CDH12: variants seen among roughly 807,000 people sequenced by gnomAD.
CDH12 encodes cadherin-12.
Under a neutral mutation model 74.1 loss-of-function variants are expected in CDH12, and 41 were observed. The observed-to-expected ratio is 0.55, with a 90% confidence interval of 0.43 to 0.72. The LOEUF is 0.72. CDH12 is among the 30% of genes least tolerant of loss of function. CDH12 has a pLI of 0.00. For synonymous variants in CDH12, 399 were observed against 355.0 expected, an observed-to-expected ratio of 1.12 and a Z score of -1.39; for missense variants, 945 against 977.2, an observed-to-expected ratio of 0.97 and a Z score of 0.44.
chr5:22,170,375 T>C (rs926936106), intron 4 of CDH12, among the ~76,000 whole-genome samples: 2 of 151,876 alleles, frequency 1.3e-5, no homozygotes, highest in African/African-American at 4.8e-5. Flanking sequence ...CATACTAACA[T>C]TTCCTGAATA....
chr5:21,766,741 A>T (rs1194742616), intron 11 of CDH12, among the ~76,000 whole-genome samples: 1 of 151,976 alleles, frequency 6.6e-6, no homozygotes, highest in African/African-American at 2.4e-5. Context: ...AAGAAATTGG[A>T]AATTACAAAC....
chr5:22,629,532 T>G (rs555152959), intron 1 of CDH12, among the ~76,000 whole-genome samples: 1 of 152,056 alleles, frequency 6.6e-6, no homozygotes, highest in Non-Finnish European at 1.5e-5. Flanking sequence ...TCAATAGATA[T>G]AGAAAATGCT....
chr5:22,097,026 C>A (rs1235786421), intron 4 of CDH12, among the ~76,000 whole-genome samples: 1 of 152,130 alleles, frequency 6.6e-6, no homozygotes, highest in East Asian at 1.9e-4. Context: ...AGACAAACCC[C>A]AGCCACATCT....
At chr5:22,176,082 T>C (rs1264606441) in intron 4 of CDH12, among the ~76,000 whole-genome samples, 2 of 152,264 alleles carry the variant, frequency 1.3e-5, no homozygotes, top group African/African-American at 4.8e-5. Context: ...CTGGGCTCAT[T>C]TGACTCGTCC....
rs1003926674 is a variant in CDH12 at position 22,183,855 on chromosome 5, T to A, written c.-187+28643A>T. 3.0e-4 allele frequency among the ~76,000 whole-genome samples: 46 copies of A among 152,252 alleles called. 1 individual carries two copies. The highest frequency in any genetic ancestry group is 1.0e-3 in the African/African-American group (42 of 41,564). ...TAAACTGAAAGGATAAAGAAAGCAG[T>A]GATACAGTCAGAAATATCCCCCCAA... is the stretch of plus-strand genomic sequence containing the variant. On this transcript the variant is annotated intron_variant, in intron 4 of 14. Transcript: ENST00000382254.
intron 1 of CDH12, among the ~76,000 whole-genome samples, chr5:22,650,257 C>T (rs1255124074): frequency 6.6e-6 from 1 of 151,928 alleles, no homozygotes; most frequent in African/African-American, 2.4e-5. Flanking sequence ...ACACAGGAAA[C>T]TTCAGAGGGA....
intron 4 of CDH12, among the ~76,000 whole-genome samples, chr5:22,112,589 G>T (rs1182007988): frequency 2.6e-5 from 4 of 152,018 alleles, no homozygotes. Flanking sequence ...GTCTGTCATG[G>T]TCGTTTTTTT....
chr5:22,263,809 T>C (rs1753609230), intron 3 of CDH12, among the ~76,000 whole-genome samples: 1 of 152,052 alleles, frequency 6.6e-6, no homozygotes. Flanking sequence ...CTCTACTTTA[T>C]ACACAAGAGG....
At chr5:22,659,613 C>A (rs1439980219) in intron 1 of CDH12, among the ~76,000 whole-genome samples, 1 of 152,014 alleles carries the variant, frequency 6.6e-6, no homozygotes, top group Admixed American at 6.6e-5. Context: ...ACCACTTTAT[C>A]ACTTTGAGCA....
chr5:21,894,087 G>T (rs1295604404), intron 6 of CDH12, among the ~76,000 whole-genome samples: 2 of 152,132 alleles, frequency 1.3e-5, no homozygotes, highest in East Asian at 1.9e-4. Context: ...ATAAAGAAAA[G>T]ATAAATATTG....
intron 6 of CDH12, among the ~76,000 whole-genome samples, chr5:21,951,942 G>A (rs1211829603): frequency 6.6e-6 from 1 of 152,140 alleles, no homozygotes; most frequent in Admixed American, 6.5e-5. Context: ...GTTTATTCCT[G>A]TTAGAACTGA....
chr5:22,117,228 T>G (rs1745170719), intron 4 of CDH12, among the ~76,000 whole-genome samples: 1 of 150,504 alleles, frequency 6.6e-6, no homozygotes, highest in African/African-American at 2.4e-5. Context: ...TTGTATATAC[T>G]AAATTATTTC....
At chr5:22,571,540 T>C (rs1294507350) in intron 1 of CDH12, among the ~76,000 whole-genome samples, 1 of 152,218 alleles carries the variant, frequency 6.6e-6, no homozygotes, top group East Asian at 1.9e-4. Flanking sequence ...TTGGTCAGGC[T>C]GGTCTCGAAT....
chr5:22,552,091 C>A (rs577606059), intron 1 of CDH12, among the ~76,000 whole-genome samples: 1 of 152,174 alleles, frequency 6.6e-6, no homozygotes, highest in South Asian at 2.1e-4. Flanking sequence ...CTGGAAGATA[C>A]AGTGTCTTGT....
intron 1 of CDH12, among the ~76,000 whole-genome samples, chr5:22,654,128 TC>T (rs1408436709): frequency 6.7e-6 from 1 of 149,532 alleles, no homozygotes; most frequent in African/African-American, 2.5e-5. Flanking sequence ...CCGTTCCTTC[TC>T]CCTTCCCCTT....
chr5:22,112,974 G>T (rs1366172911), intron 4 of CDH12, among the ~76,000 whole-genome samples: 1 of 152,114 alleles, frequency 6.6e-6, no homozygotes, highest in East Asian at 1.9e-4. Context: ...ATCAAGCATG[G>T]TCGTAGTTAT....
chr5:22,159,062 G>T (rs1187577914), intron 4 of CDH12, among the ~76,000 whole-genome samples: 1 of 152,112 alleles, frequency 6.6e-6, no homozygotes, highest in Non-Finnish European at 1.5e-5. Context: ...AAGGTCCATA[G>T]TTTTAGCAGA....
chr5:22,191,283 C>T (rs62349144), intron 4 of CDH12, among the ~76,000 whole-genome samples: 66,488 of 151,666 alleles, frequency 0.44, 15,644 homozygotes, highest in East Asian at 0.71. Context: ...CCTTCCTTTA[C>T]ACTCTCTTAA....
intron 1 of CDH12, among the ~76,000 whole-genome samples, chr5:22,758,923 C>T (rs923253520): frequency 3.3e-5 from 5 of 152,170 alleles, no homozygotes; most frequent in Admixed American, 6.5e-5. Context: ...TCATTTCCAA[C>T]CTCATTCCAT....
Sources: allele counts gnomAD v4.1 joint callset (sites outside exome capture counted in the v4.1 genomes callset), GRCh38; gene constraint gnomAD v4.1.1; transcripts MANE v1.5; gene names NCBI Gene and HGNC (gene_info 2026-07-23, HGNC 2026-07-21).